Variants in DOCK10 observed in about 807,000 individuals in gnomAD.
DOCK10 encodes dedicator of cytokinesis protein 10.
DOCK10 carries 145 observed loss-of-function variants against 280.1 expected under a neutral mutation model. The observed-to-expected ratio is 0.52, with a 90% CI of 0.45 to 0.59. DOCK10 has a LOEUF of 0.59. Ranked by LOEUF, DOCK10 falls within the 20% of genes least tolerant of loss-of-function variation. DOCK10 has a pLI of 0.00. For missense variants in DOCK10, 2,368 were observed against 2,651.7 expected (o/e 0.89, Z 2.35); for synonymous variants, 915 against 942.2 (o/e 0.97, Z 0.53).
At chr2:224,972,921 T>G (rs1705179169) in intron 1 of DOCK10, among the ~76,000 whole-genome samples, 1 of 152,240 alleles carries the variant, frequency 6.6e-6, no homozygotes, top group Non-Finnish European at 1.5e-5. Flanking sequence ...TTATGTTCTT[T>G]GAATAATCTA....
intron 31 of DOCK10, among the ~76,000 whole-genome samples, chr2:224,810,019 C>A: frequency 6.7e-6 from 1 of 149,136 alleles, no homozygotes; most frequent in Non-Finnish European, 1.5e-5. Flanking sequence ...GAAATCCTAC[C>A]ATTTGTGACA....
chr2:225,037,915 T>C (rs1690305509), intron 1 of DOCK10, among the ~76,000 whole-genome samples: 1 of 152,186 alleles, frequency 6.6e-6, no homozygotes, highest in Non-Finnish European at 1.5e-5. Context: ...TAAAAAACAT[T>C]GGCAGACACA....
intron 27 of DOCK10, among the ~76,000 whole-genome samples, chr2:224,828,726 G>A (rs931990529): frequency 6.6e-6 from 1 of 152,186 alleles, no homozygotes; most frequent in Non-Finnish European, 1.5e-5. Context: ...GAGCCAGGGG[G>A]CTGTGAGTAT....
intron 1 of DOCK10, among the ~76,000 whole-genome samples, chr2:224,981,088 G>T (rs557498697): frequency 3.2e-4 from 48 of 152,102 alleles, no homozygotes; most frequent in Middle Eastern, 6.8e-3. Flanking sequence ...GGAAAACAAA[G>T]ATTTCTTTGA....
At chr2:224,997,528 G>A (rs536910141) in intron 1 of DOCK10, among the ~76,000 whole-genome samples, 188 of 152,238 alleles carry the variant, frequency 1.2e-3, no homozygotes, top group African/African-American at 3.9e-3. Context: ...CACCGCGCCC[G>A]GCTGTCCTAT....
rs140999545 is a variant in DOCK10, at chr2:224,862,797, G to T, written c.1603-51C>A. 40 of 1,093,532 alleles carry T rather than the reference G, an allele frequency of 3.7e-5. No individual in the cohort carries two copies. In the African/African-American group the frequency reaches 5.9e-4, roughly 16 times the overall value. The allele number at this position is 1,093,532 out of a possible 1,614,324, so 67.7% of individuals were successfully genotyped here. Reference sequence around the variant, plus strand: ...TGTTTAGAATAGCACTTTATAAACTGTACATATAAAATAATACTAAATACT... The same window carrying T: ...TGTTTAGAATAGCACTTTATAAACTTTACATATAAAATAATACTAAATACT... On this transcript the variant is annotated intron_variant, in intron 13 of 55. Transcript: ENST00000258390.
chr2:224,962,626 G>C (rs1704515171), intron 1 of DOCK10, among the ~76,000 whole-genome samples: 1 of 152,180 alleles, frequency 6.6e-6, no homozygotes, highest in Non-Finnish European at 1.5e-5. Context: ...GTCAAGAAAA[G>C]ATAGTCTGAC....
chr2:224,772,597 C>A (rs79301909), intron 53 of DOCK10, among the ~76,000 whole-genome samples: 1 of 152,180 alleles, frequency 6.6e-6, no homozygotes, highest in South Asian at 2.1e-4. Context: ...GTGGTCACAC[C>A]GCCTGAGTGC....
intron 1 of DOCK10, among the ~76,000 whole-genome samples, chr2:224,980,602 G>A (rs1247289414): frequency 1.3e-5 from 2 of 152,138 alleles, no homozygotes; most frequent in Non-Finnish European, 2.9e-5. Context: ...GATGCACAAT[G>A]ACTTTGTATG....
intron 1 of DOCK10, among the ~76,000 whole-genome samples, chr2:224,951,293 TA>T (rs1477019364): frequency 6.6e-6 from 1 of 152,246 alleles, no homozygotes; most frequent in African/African-American, 2.4e-5. Flanking sequence ...TGTATATACA[TA>T]AACTATTATT....
chr2:224,824,899 G>C (rs994237437), intron 27 of DOCK10, among the ~76,000 whole-genome samples: 2 of 151,896 alleles, frequency 1.3e-5, no homozygotes, highest in African/African-American at 4.8e-5. Context: ...AATCATGAAG[G>C]CTGAAGTTAC....
chr2:224,839,001 C>T (rs910164286), intron 24 of DOCK10, among the ~76,000 whole-genome samples: 2 of 152,182 alleles, frequency 1.3e-5, no homozygotes, highest in Non-Finnish European at 2.9e-5. Flanking sequence ...CACCCTGCCC[C>T]CCAGCAATTA....
intron 1 of DOCK10, among the ~76,000 whole-genome samples, chr2:225,015,411 A>G (rs1689562720): frequency 6.6e-6 from 1 of 152,200 alleles, no homozygotes; most frequent in Non-Finnish European, 1.5e-5. Context: ...CCATGTAATC[A>G]GGACCAAGTT....
At chr2:224,833,663 C>G (rs1018817990) in intron 26 of DOCK10, among the ~76,000 whole-genome samples, 1 of 151,880 alleles carries the variant, frequency 6.6e-6, no homozygotes, top group Admixed American at 6.6e-5. Context: ...GTATCTCTCT[C>G]TCTCTCTCTC....
Position 224,833,379 on chromosome 2 carries a change from T to C in DOCK10, c.2964+771A>G, listed in dbSNP as rs561275655. On this transcript the variant is annotated intron_variant, in intron 26 of 55. Transcript: ENST00000258390. ...GTGTCCTCCCTGTCTCCTGCCACAG[T>C]GTCCTCCCTGTCTCCTGCAGACACA... 1.2e-4 allele frequency among the ~76,000 whole-genome samples: 19 copies of C among 152,136 alleles called. No homozygotes were observed. In the South Asian group the frequency reaches 4.0e-3, roughly 32 times the overall value.
intron 1 of DOCK10, among the ~76,000 whole-genome samples, chr2:224,991,409 G>A (rs1706124083): frequency 6.6e-6 from 1 of 152,146 alleles, no homozygotes; most frequent in South Asian, 2.1e-4. Context: ...AAGGCACATA[G>A]TACAAAACAC....
Position 224,931,537 on chromosome 2 carries a change from G to A in DOCK10, c.243+12C>T. ...CTCCTGAATCTAAATGGCTTGAGAA[G>A]AGAAGACTTACTGAAAAGTCATCAC... On this transcript the variant is annotated intron_variant, in intron 2 of 55. Coordinates refer to ENST00000258390, the MANE Select transcript of DOCK10 (RefSeq NM_014689.3). The A allele has an allele frequency of 5.0e-6, 8 of 1,599,230 alleles. No homozygotes were observed. Among genetic ancestry groups the A allele is most frequent in the Non-Finnish European group, 6.8e-6 (8 of 1,172,308 alleles).
chr2:224,846,116 T>C (rs1180451328), intron 19 of DOCK10, among the ~76,000 whole-genome samples: 1 of 152,258 alleles, frequency 6.6e-6, no homozygotes, highest in African/African-American at 2.4e-5. Flanking sequence ...CTAGCAGTGA[T>C]GTATTCACAT....
chr2:224,902,984 G>A (rs1476478395), intron 3 of DOCK10, among the ~76,000 whole-genome samples: 1 of 151,626 alleles, frequency 6.6e-6, no homozygotes, highest in Non-Finnish European at 1.5e-5. Context: ...TGTAGTCCCA[G>A]CTACTCGGGA....
Sources: allele counts gnomAD v4.1 joint callset (sites outside exome capture counted in the v4.1 genomes callset), GRCh38; gene constraint gnomAD v4.1.1; transcripts MANE v1.5; gene names NCBI Gene and HGNC (gene_info 2026-07-23, HGNC 2026-07-21).